The following SAMD9 variants were observed in gnomAD, a reference collection of about 807,000 sequenced individuals.
SAMD9 encodes sterile alpha motif domain containing 9, also known as sterile alpha motif domain-containing protein 9.
A neutral mutation model predicts 1.5 loss-of-function variants in SAMD9; 3 were observed. The observed-to-expected ratio is 2.05, with a 90% confidence interval of 0.93 to 5.29. SAMD9 has a LOEUF of 5.29. Ranked by LOEUF, SAMD9 falls within the 30% of genes most tolerant of loss-of-function variation. SAMD9 has a pLI of 0.02. For synonymous variants in SAMD9, 635 were observed against 631.9 expected (o/e 1.00, Z -0.07); for missense variants, 1,597 against 1,820.8 (o/e 0.88, Z 2.24).
At chr7:93,116,219 T>C (rs1004687472) in intron 1 of SAMD9, among the ~76,000 whole-genome samples, 5 of 152,182 alleles carry the variant, frequency 3.3e-5, no homozygotes, top group African/African-American at 1.2e-4. Flanking sequence ...TCTGGTGATA[T>C]GTCATAAACT....
Position 93,104,447 on chromosome 7 carries a change from C to A in SAMD9, c.1651G>T (p.Asp551Tyr). Residue 551 changes from aspartate (D) to tyrosine (Y), a missense_variant, in exon 3 of 3, where the codon GAC becomes TAC. Physicochemically the swap from Asp to Tyr is radical, Grantham distance 160 (BLOSUM62 -3). Around this residue, in one of 6 missense-constraint regions of SAMD9, gnomAD observed 358 missense variants for 460.4 expected, o/e 0.78. Coordinates refer to ENST00000379958, the MANE Select transcript of SAMD9 (RefSeq NM_017654.4). ...VVFLLLSSVD[D>Y]PRDPLIETFC... ...GTCTCAATGAGGGGATCTCTTGGGT[C>A]ATCCACAGAGGACAGTAATAGAAAT... is the stretch of plus-strand genomic sequence containing the variant. The A allele has an allele frequency of 6.2e-7, 1 of 1,613,934 alleles. No individual in the cohort carries two copies. Among genetic ancestry groups the A allele is most frequent in the South Asian group, 1.1e-5 (1 of 91,056 alleles).
chr7:93,111,565 A>T (rs569727024), intron 2 of SAMD9, among the ~76,000 whole-genome samples: 2 of 152,214 alleles, frequency 1.3e-5, no homozygotes, highest in Non-Finnish European at 2.9e-5. Context: ...TGCTAGCAAG[A>T]CTGATAAAGA....
At position 93,105,358 on chromosome 7, in the gene SAMD9, A is replaced by G. The variant is rs200540593; in HGVS notation, c.740T>C (p.Ile247Thr). ...FGVKDKPHGKIVGIKVTNDTK... is the reference protein window; with the variant it reads ...FGVKDKPHGKTVGIKVTNDTK... ...ATCATTGGTGACTTTGATGCCAACA[A>G]TTTTCCCATGGGGTTTGTCTTTGAC... The change falls in exon 3 of 3, where the codon ATT (isoleucine) becomes ACT (threonine). Residue 247 changes from isoleucine (I) to threonine (T), a missense_variant. By Grantham distance (89) the Ile-to-Thr change is moderately conservative. Coordinates refer to ENST00000379958, the MANE Select transcript of SAMD9 (RefSeq NM_017654.4). The G allele has an allele frequency of 5.1e-5, 82 of 1,613,728 alleles. No individual in the cohort carries two copies. The highest frequency in any genetic ancestry group is 3.3e-4 in the Middle Eastern group (2 of 6,084).
At chr7:93,110,964 C>T (rs1483182488) in intron 2 of SAMD9, among the ~76,000 whole-genome samples, 6 of 152,260 alleles carry the variant, frequency 3.9e-5, no homozygotes, top group Non-Finnish European at 1.5e-5. Context: ...ACCTAATAGA[C>T]ATCTACAGAA....
Position 93,104,590 on chromosome 7 carries a change from T to C in SAMD9, c.1508A>G (p.Glu503Gly). 2.5e-6 allele frequency: 4 copies of C among 1,614,070 alleles called. No homozygotes were observed. The highest frequency in any genetic ancestry group is 1.1e-5 in the South Asian group (1 of 91,086). ...ACTTGGATCAAAGGGTTTATATTTTTCACTGTCAAGGTCTAACCTGCCATT... is the reference window on the plus strand; with the variant it reads ...ACTTGGATCAAAGGGTTTATATTTTCCACTGTCAAGGTCTAACCTGCCATT... ...FCNGRLDLDS[E>G]KYKPFDPSSW... The change falls in exon 3 of 3, where the codon GAA becomes GGA. Residue 503 changes from glutamate (E) to glycine (G), a missense_variant. Glu to Gly is a moderately conservative substitution (Grantham distance 98). Coordinates refer to ENST00000379958, the MANE Select transcript of SAMD9 (RefSeq NM_017654.4).
intron 1 of SAMD9, among the ~76,000 whole-genome samples, chr7:93,115,804 T>A (rs1433165641): frequency 6.6e-6 from 1 of 152,230 alleles, no homozygotes; most frequent in African/African-American, 2.4e-5. Flanking sequence ...TGTGAGGTCC[T>A]AAAGTTTTAC....
In SAMD9 at chr7:93,100,504, C is replaced by T. The variant is rs1791509158; in HGVS notation, c.*824G>A. 2 of 152,052 alleles carry T rather than the reference C, an allele frequency of 1.3e-5. No homozygotes were observed. The highest frequency in any genetic ancestry group is 1.3e-4 in the Admixed American group (2 of 15,248). The allele number at this position is 152,052 out of a possible 1,614,324, so 9.4% of individuals were successfully genotyped here. A position where few individuals can be genotyped will look rare whatever the true frequency, so the allele number is the denominator to read the frequency against. The stretch of plus-strand genomic sequence containing the variant: ...CCATAATTTTATTAGGGGAAAATTA[C>T]ATTTTGATTACGTATCGCTGGTTGT... On this transcript the variant is annotated 3_prime_UTR_variant, in exon 3 of 3. Transcript: ENST00000379958.
At chr7:93,113,185 C>G (rs1464910970) in intron 2 of SAMD9, among the ~76,000 whole-genome samples, 1 of 152,120 alleles carries the variant, frequency 6.6e-6, no homozygotes, top group Non-Finnish European at 1.5e-5. Flanking sequence ...ACAAACCTGA[C>G]AAAAACAAGC....
Position 93,102,549 on chromosome 7 carries a change from C to T in SAMD9, c.3549G>A (p.Pro1183=), listed in dbSNP as rs200283363. The T allele has an allele frequency of 2.7e-5, 43 of 1,613,724 alleles. No homozygotes were observed. In the East Asian group the frequency reaches 4.5e-4, roughly 17 times the overall value. ...REYEVKERLY[P]KSKRRYDTYN... ...AAGTATCATACCGCCTTTTTGACTTCGGATACAATCTTTCCTTCACTTCAT... is the reference window on the plus strand; with the variant it reads ...AAGTATCATACCGCCTTTTTGACTTTGGATACAATCTTTCCTTCACTTCAT... The change falls in exon 3 of 3, where the codon CCG becomes CCA. Residue 1183 remains proline, a synonymous_variant. Coordinates refer to ENST00000379958, the MANE Select transcript of SAMD9 (RefSeq NM_017654.4).
chr7:93,102,280 T>A lies in SAMD9; in HGVS notation c.3818A>T (p.Glu1273Val). 1.2e-6 allele frequency: 2 copies of A among 1,612,660 alleles called. No individual in the cohort carries two copies. The highest frequency in any genetic ancestry group is 1.7e-6 in the Non-Finnish European group (2 of 1,178,858). ...CCTGGGTTTTAGCAGGACAAAGTAT[T>A]CATCAAAAAAATCAAAGGACTTTTT... ...SLKKSFDFFDEYFVLLKPRNN... is the reference protein window; with the variant it reads ...SLKKSFDFFDVYFVLLKPRNN... The change falls in exon 3 of 3, where the codon GAA becomes GTA. Residue 1273 changes from glutamate to valine, a missense_variant. Around this residue, in one of 6 missense-constraint regions of SAMD9, gnomAD observed 682 missense variants for 810.0 expected, o/e 0.84. Coordinates refer to ENST00000379958, the MANE Select transcript of SAMD9 (RefSeq NM_017654.4).
chr7:93,109,700 G>A (rs1297497826), intron 2 of SAMD9, among the ~76,000 whole-genome samples: 2 of 152,030 alleles, frequency 1.3e-5, no homozygotes, highest in African/African-American at 4.8e-5. Context: ...TGGAAGAAAG[G>A]GTATCAGTGA....
intron 2 of SAMD9, among the ~76,000 whole-genome samples, chr7:93,109,789 A>C (rs1791708391): frequency 6.6e-6 from 1 of 152,236 alleles, no homozygotes; most frequent in Non-Finnish European, 1.5e-5. Context: ...CAAAGCCTCC[A>C]AGAAATAAGG....
chr7:93,104,526 C>A lies in SAMD9; in HGVS notation c.1572G>T (p.Leu524=). The change falls in exon 3 of 3, where the codon CTG becomes CTT. Residue 524 remains leucine (L), a synonymous_variant. Coordinates refer to ENST00000379958, the MANE Select transcript of SAMD9 (RefSeq NM_017654.4). ...TGTCTTCATGTGTAAGAAATGAAATCAGTTTCCTGACATCAGAAGCTCTTT... is the reference window on the plus strand; with the variant it reads ...TGTCTTCATGTGTAAGAAATGAAATAAGTTTCCTGACATCAGAAGCTCTTT... ...QRERASDVRK[L]ISFLTHEDIM... is the part of the protein sequence containing the mutation. 1.2e-6 allele frequency: 2 copies of A among 1,614,024 alleles called. No homozygotes were observed. The highest frequency in any genetic ancestry group is 1.7e-6 in the Non-Finnish European group (2 of 1,179,916).
In SAMD9 at chr7:93,116,071, C is replaced by T. The variant is rs966450994; in HGVS notation, c.-109-1176G>A. On this transcript the variant is annotated intron_variant, in intron 1 of 2. Transcript: ENST00000379958. ...CCCCGATTATTGTGCTGCTAGCGTG[C>T]GCTGGCTCCTGAGGCCTCATACCTA... Among the ~76,000 whole-genome samples, 5 of 152,066 alleles carry T rather than the reference C, an allele frequency of 3.3e-5. 1 individual carries two copies. The South Asian group carries it at 6.2e-4, about 19-fold the overall frequency.
chr7:93,101,915 G>A lies in SAMD9; in HGVS notation c.4183C>T (p.Leu1395Phe), dbSNP rs1450617467. 1 of 1,613,844 alleles carries A rather than the reference G, an allele frequency of 6.2e-7. No homozygotes were observed. Among genetic ancestry groups the A allele is most frequent in the Non-Finnish European group, 8.5e-7 (1 of 1,179,772 alleles). The change falls in exon 3 of 3, where the codon CTC (leucine) becomes TTC (phenylalanine). Residue 1395 changes from leucine to phenylalanine, a missense_variant. Around this residue, in one of 6 missense-constraint regions of SAMD9, gnomAD observed 682 missense variants for 810.0 expected, o/e 0.84. Coordinates refer to ENST00000379958, the MANE Select transcript of SAMD9 (RefSeq NM_017654.4). ...KLNFILANII[L>F]SCIQPTSRLV... The stretch of plus-strand genomic sequence containing the variant: ...CTGGAGGTAGGTTGGATACAGGAGA[G>A]AATAATGTTGGCCAAGATGAAATTT...
At position 93,105,809 on chromosome 7, in the gene SAMD9, T is replaced by C. The variant is rs775475003; in HGVS notation, c.289A>G (p.Lys97Glu). 8 of 1,614,076 alleles carry C rather than the reference T, an allele frequency of 5.0e-6. No homozygotes were observed. Among genetic ancestry groups the C allele is most frequent in the South Asian group, 3.3e-5 (3 of 91,092 alleles). ...KMGKPSKNAP[K>E]DQTVSQKERR... ...TCCTTTTGAGACACAGTTTGGTCTT[T>C]AGGAGCATTTTTACTGGGCTTTCCC... Residue 97 changes from lysine to glutamate, a missense_variant, in exon 3 of 3, where the codon AAA becomes GAA. By Grantham distance (56) the Lys-to-Glu change is moderately conservative. Transcript: ENST00000379958.
intron 1 of SAMD9, among the ~76,000 whole-genome samples, chr7:93,116,472 CT>C (rs1791835194): frequency 6.6e-6 from 1 of 152,110 alleles, no homozygotes; most frequent in African/African-American, 2.4e-5. Context: ...ACTTCTTCCC[CT>C]AAAGCTTTTG....
rs1030419905 is a variant in SAMD9, at chr7:93,117,858, C to T, written c.-110+5G>A. On this transcript the variant is annotated splice_donor_5th_base_variant and intron_variant, in intron 1 of 2. Coordinates refer to ENST00000379958, the MANE Select transcript of SAMD9 (RefSeq NM_017654.4). ...AACAATATTAATAATAGATATTGTA[C>T]TTACCCAGTAGTCTTGCAAATTTCT... is the stretch of plus-strand genomic sequence containing the variant. 2 of 152,218 alleles carry T rather than the reference C, an allele frequency of 1.3e-5. No homozygotes were observed. The highest frequency in any genetic ancestry group is 4.8e-5 in the African/African-American group (2 of 41,462). The allele number at this position is 152,218 out of a possible 1,614,324, so 9.4% of individuals were successfully genotyped here.
Position 93,101,280 on chromosome 7 carries a change from A to C in SAMD9, c.*48T>G, listed in dbSNP as rs1191389230. The C allele has an allele frequency of 2.0e-6, 3 of 1,524,088 alleles. No individual in the cohort carries two copies. The highest frequency in any genetic ancestry group is 2.7e-6 in the Non-Finnish European group (3 of 1,107,120). The allele number at this position is 1,524,088 out of a possible 1,614,324, so 94.4% of individuals were successfully genotyped here. A position where few individuals can be genotyped will look rare whatever the true frequency, so the allele number is the denominator to read the frequency against. Reference sequence around the variant, plus strand: ...AAGCATAGATCTTGAGTCCAAAAAAATTAAATGGGTACTGAGATCAAATTC... The same window carrying C: ...AAGCATAGATCTTGAGTCCAAAAAACTTAAATGGGTACTGAGATCAAATTC... On this transcript the variant is annotated 3_prime_UTR_variant, in exon 3 of 3. Transcript: ENST00000379958.
Sources: allele counts gnomAD v4.1 joint callset (sites outside exome capture counted in the v4.1 genomes callset), GRCh38; gene constraint gnomAD v4.1.1; regional missense constraint gnomAD v4.1.1; transcripts MANE v1.5; gene names NCBI Gene and HGNC (gene_info 2026-07-23, HGNC 2026-07-21).